Variants in SLC39A11 observed in about 807,000 individuals in gnomAD.
SLC39A11 encodes the protein solute carrier family 39 member 11.
A neutral mutation model predicts 36.1 loss-of-function variants in SLC39A11; 33 were observed. That is an observed-to-expected ratio of 0.91 (90% CI 0.69 to 1.22). The LOEUF (loss-of-function observed/expected upper bound fraction) is 1.22, where lower values mean the gene tolerates loss of function less well. Ranked by LOEUF, SLC39A11 falls within the 50% of genes most tolerant of loss-of-function variation. The probability of loss-of-function intolerance (pLI) is 0.00; values close to 1 mark genes in which losing one functional copy is unlikely to be tolerated. For missense variants in SLC39A11, 432 were observed against 430.3 expected (o/e 1.00, Z -0.03); for synonymous variants, 166 against 170.3 (o/e 0.97, Z 0.20).
chr17:73,022,054 G>A (rs374484554), intron 4 of SLC39A11, among the ~76,000 whole-genome samples: 6 of 152,238 alleles, frequency 3.9e-5, no homozygotes, highest in East Asian at 1.9e-4. Flanking sequence ...GAGCAGACAC[G>A]CTTGAAATGC....
intron 7 of SLC39A11, among the ~76,000 whole-genome samples, chr17:72,701,389 G>A (rs2072609810): frequency 1.3e-5 from 2 of 152,144 alleles, no homozygotes; most frequent in South Asian, 2.1e-4. Context: ...AAGGCTGTGG[G>A]GCCAGAAAGA....
chr17:72,771,589 A>G (rs2075947156), intron 6 of SLC39A11, among the ~76,000 whole-genome samples: 1 of 152,020 alleles, frequency 6.6e-6, no homozygotes, highest in Admixed American at 6.6e-5. Flanking sequence ...TCCTGGGGCC[A>G]TCTCTAGTTA....
intron 4 of SLC39A11, among the ~76,000 whole-genome samples, chr17:73,002,113 A>G (rs573611875): frequency 5.3e-5 from 8 of 152,306 alleles, no homozygotes; most frequent in South Asian, 4.1e-4. Flanking sequence ...CTATTGTAAG[A>G]CATACCATTA....
intron 3 of SLC39A11, among the ~76,000 whole-genome samples, chr17:73,036,243 T>A (rs1196501512): frequency 1.3e-5 from 2 of 152,212 alleles, no homozygotes; most frequent in Non-Finnish European, 2.9e-5. Context: ...TTAAACTTTA[T>A]TTTTTAGAGC....
At chr17:72,842,078 ATG>A (rs61185081) in intron 6 of SLC39A11, among the ~76,000 whole-genome samples, 25 of 148,890 alleles carry the variant, frequency 1.7e-4, no homozygotes, top group East Asian at 9.9e-4. Flanking sequence ...TCAAAAAACT[ATG>A]TGTGTGTGTG....
chr17:72,925,309 A>G lies in SLC39A11; in HGVS notation c.430+22443T>C, dbSNP rs1008746901. Among the ~76,000 whole-genome samples the G allele has an allele frequency of 9.2e-5, 14 of 152,208 alleles. 1 individual carries two copies. Among genetic ancestry groups the G allele is most frequent in the Admixed American group, 3.9e-4 (6 of 15,284 alleles). On this transcript the variant is annotated intron_variant, in intron 5 of 9. Transcript: ENST00000255559. Reference sequence around the variant, plus strand: ...GATCCTGAAATTCACACCTGATTCCATGATTACATGCGAATTTTTAGGTAT... The same window carrying G: ...GATCCTGAAATTCACACCTGATTCCGTGATTACATGCGAATTTTTAGGTAT...
intron 6 of SLC39A11, among the ~76,000 whole-genome samples, chr17:72,846,010 CTCTCTCTCTTTTTT>C (rs1041303463): frequency 8.2e-6 from 1 of 121,332 alleles, no homozygotes; most frequent in African/African-American, 3.4e-5. Flanking sequence ...ATCTCTCTCT[CTCTCTCTCTTTTTT>C]TTTTTTTTTT....
At chr17:73,048,878 T>C (rs1008789367) in intron 3 of SLC39A11, among the ~76,000 whole-genome samples, 1 of 152,198 alleles carries the variant, frequency 6.6e-6, no homozygotes, top group African/African-American at 2.4e-5. Context: ...TCCTGGGGAA[T>C]TTAAGCCCAA....
chr17:73,021,294 G>T (rs928392038), intron 4 of SLC39A11, among the ~76,000 whole-genome samples: 1 of 152,034 alleles, frequency 6.6e-6, no homozygotes, highest in Non-Finnish European at 1.5e-5. Context: ...CAAGAAGAAG[G>T]GATCCAGTGA....
intron 7 of SLC39A11, among the ~76,000 whole-genome samples, chr17:72,657,140 T>A (rs935785610): frequency 2.6e-5 from 4 of 151,934 alleles, no homozygotes; most frequent in Non-Finnish European, 5.9e-5. Flanking sequence ...GGTGGGCAGA[T>A]CATGAGGTCA....
chr17:72,788,753 C>T (rs141247800), intron 6 of SLC39A11, among the ~76,000 whole-genome samples: 1 of 152,332 alleles, frequency 6.6e-6, no homozygotes, highest in African/African-American at 2.4e-5. Flanking sequence ...AACCTAAGTC[C>T]TGGACAATAC....
At chr17:72,748,397 A>T (rs1436403013) in intron 6 of SLC39A11, among the ~76,000 whole-genome samples, 1 of 152,188 alleles carries the variant, frequency 6.6e-6, no homozygotes, top group Non-Finnish European at 1.5e-5. Context: ...AGATACTCTA[A>T]CATGAATCCC....
At chr17:72,708,307 G>C (rs1244659987) in intron 7 of SLC39A11, among the ~76,000 whole-genome samples, 1 of 152,102 alleles carries the variant, frequency 6.6e-6, no homozygotes, top group Non-Finnish European at 1.5e-5. Context: ...TTGAAGGCTT[G>C]AATAGAACAA....
At chr17:73,010,825 T>C (rs1331018828) in intron 4 of SLC39A11, among the ~76,000 whole-genome samples, 2 of 152,236 alleles carry the variant, frequency 1.3e-5, no homozygotes, top group African/African-American at 4.8e-5. Flanking sequence ...AAGCGGTCAA[T>C]TGCAACGGGC....
intron 7 of SLC39A11, among the ~76,000 whole-genome samples, chr17:72,682,079 C>A (rs75223164): frequency 0.1 from 15,303 of 149,438 alleles, 974 homozygotes; most frequent in African/African-American, 0.2. Flanking sequence ...CAGAGGAGCA[C>A]GAACCCTATC....
chr17:72,918,971 G>A (rs958777305), intron 5 of SLC39A11, among the ~76,000 whole-genome samples: 1 of 152,158 alleles, frequency 6.6e-6, no homozygotes, highest in Non-Finnish European at 1.5e-5. Context: ...GCTGAGGCAG[G>A]AGAACTGCTT....
chr17:73,020,794 T>C (rs2058322701), intron 4 of SLC39A11, among the ~76,000 whole-genome samples: 1 of 148,522 alleles, frequency 6.7e-6, no homozygotes, highest in Non-Finnish European at 1.5e-5. Flanking sequence ...GCAATTCTCC[T>C]GCCCCAGCCT....
chr17:72,649,050 G>A (rs774048075), intron 8 of SLC39A11, 89 bp from the exon 9 acceptor site: 20 of 1,548,584 alleles, frequency 1.3e-5, no homozygotes, highest in Non-Finnish European at 1.8e-5. Context: ...CCTAGCACAT[G>A]GATGCATGCC....
intron 7 of SLC39A11, among the ~76,000 whole-genome samples, chr17:72,700,056 G>A (rs2072535796): frequency 7.0e-6 from 1 of 141,984 alleles, no homozygotes; most frequent in Admixed American, 6.9e-5. Context: ...AGAAGCTCTT[G>A]GGAGACGAAG....
Sources: gnomAD v4.1 joint callset for allele counts (sites outside exome capture counted in the v4.1 genomes callset) on GRCh38, gnomAD v4.1.1 for gene constraint, MANE v1.5 for transcripts, NCBI Gene and HGNC (gene_info 2026-07-23, HGNC 2026-07-21) for gene names.